ATP6V0E1: variants seen among roughly 807,000 people sequenced by gnomAD.
The protein encoded by ATP6V0E1 is V-type proton ATPase subunit e 1.
In ATP6V0E1, 4 loss-of-function variants were observed where a neutral mutation model predicts 11.6. The observed-to-expected ratio is 0.35, with a 90% CI of 0.17 to 0.79. ATP6V0E1 has a LOEUF of 0.79. Ranked by LOEUF, ATP6V0E1 falls within the 30% of genes least tolerant of loss-of-function variation. The pLI, the probability that ATP6V0E1 is intolerant of heterozygous loss-of-function variation, is 0.54. For missense variants in ATP6V0E1, 105 were observed against 100.0 expected (o/e 1.05, Z -0.21); for synonymous variants, 36 against 34.8 (o/e 1.04, Z -0.13).
chr5:173,004,344 A>G (rs923892447), intron 2 of ATP6V0E1, among the ~76,000 whole-genome samples: 2 of 152,206 alleles, frequency 1.3e-5, no homozygotes, highest in Non-Finnish European at 2.9e-5. Context: ...TACTAACCCC[A>G]GTCGCCAAAG....
At position 173,012,345 on chromosome 5, in the gene ATP6V0E1, C is replaced by T. The variant is rs567872079; in HGVS notation, c.153-7893C>T. Among the ~76,000 whole-genome samples, 207 of 149,986 alleles carry T rather than the reference C, an allele frequency of 1.4e-3. 2 individuals are homozygous for T. Among genetic ancestry groups the T allele is most frequent in the Non-Finnish European group, 2.4e-3 (164 of 67,612 alleles). On this transcript the variant is annotated intron_variant, in intron 2 of 3. Transcript: ENST00000519374. ...TTTTTTTTCTTAAGTGAGATGTGTG[C>T]GTGTGTGTGTACATGCATATGTGTA...
intron 2 of ATP6V0E1, among the ~76,000 whole-genome samples, chr5:173,006,481 G>A (rs528723756): frequency 9.2e-5 from 14 of 152,034 alleles, no homozygotes; most frequent in Admixed American, 2.0e-4. Context: ...GTGGTGGTGG[G>A]CGCCTGTAGT....
At chr5:173,000,390 A>C (rs552088311) in intron 2 of ATP6V0E1, among the ~76,000 whole-genome samples, 6 of 152,282 alleles carry the variant, frequency 3.9e-5, no homozygotes, top group South Asian at 2.1e-4. Context: ...GTTAATTTTT[A>C]ATGTTGAATT....
At chr5:173,021,684 T>A (rs571792673) in intron 3 of ATP6V0E1, among the ~76,000 whole-genome samples, 1 of 152,164 alleles carries the variant, frequency 6.6e-6, no homozygotes, top group African/African-American at 2.4e-5. Context: ...CCCACCTCCA[T>A]CATTGGGGAT....
chr5:172,985,909 C>T (rs1755890669), intron 1 of ATP6V0E1, among the ~76,000 whole-genome samples: 1 of 152,228 alleles, frequency 6.6e-6, no homozygotes, highest in African/African-American at 2.4e-5. Flanking sequence ...TACTACACAC[C>T]TAGGCTATTT....
intron 3 of ATP6V0E1, among the ~76,000 whole-genome samples, chr5:173,032,253 A>ATTTTATTTTT (rs70984930): frequency 9.6e-5 from 12 of 124,368 alleles, no homozygotes; most frequent in African/African-American, 2.7e-4. Flanking sequence ...ATTTTATTTT[A>ATTTTATTTTT]TTTATTTATT....
intron 2 of ATP6V0E1, among the ~76,000 whole-genome samples, chr5:173,003,068 A>G (rs989075564): frequency 5.3e-5 from 8 of 151,952 alleles, no homozygotes; most frequent in Non-Finnish European, 1.2e-4. Flanking sequence ...TGGCAGGGTA[A>G]TGTTGGGCTT....
At chr5:172,990,974 A>G (rs1458863844) in intron 1 of ATP6V0E1, among the ~76,000 whole-genome samples, 1 of 151,672 alleles carries the variant, frequency 6.6e-6, no homozygotes, top group Non-Finnish European at 1.5e-5. Context: ...GTTTTGTTTT[A>G]AAGAGTCTCC....
chr5:172,994,734 G>C, intron 1 of ATP6V0E1, 41 bp from the exon 2 acceptor site: 10 of 1,476,206 alleles, frequency 6.8e-6, no homozygotes, highest in Non-Finnish European at 9.3e-6. Flanking sequence ...TGCATAGTTT[G>C]CTAGTTATTT....
At chr5:173,015,687 T>C (rs1756389218) in intron 2 of ATP6V0E1, among the ~76,000 whole-genome samples, 1 of 152,166 alleles carries the variant, frequency 6.6e-6, no homozygotes, top group Non-Finnish European at 1.5e-5. Flanking sequence ...CCCCTTTCCA[T>C]AGCTCACCCT....
chr5:172,997,581 G>A lies in ATP6V0E1; in HGVS notation c.152+2759G>A, dbSNP rs530946610. Among the ~76,000 whole-genome samples the A allele has an allele frequency of 9.5e-4, 145 of 152,128 alleles. 1 individual carries two copies. Among genetic ancestry groups the A allele is most frequent in the African/African-American group, 3.4e-3 (142 of 41,512 alleles). On this transcript the variant is annotated intron_variant, in intron 2 of 3. Coordinates refer to ENST00000519374, the MANE Select transcript of ATP6V0E1 (RefSeq NM_003945.4). ...TCCCAGCACTTTGGGAGGCCGAGGC[G>A]GGCGGATCACGAGGTCAGGAGATCG...
intron 2 of ATP6V0E1, among the ~76,000 whole-genome samples, chr5:173,009,626 G>A (rs1018016395): frequency 2.6e-5 from 4 of 151,250 alleles, no homozygotes; most frequent in Non-Finnish European, 5.9e-5. Context: ...CACCACGCCC[G>A]GCTAATTTTT....
At chr5:173,001,741 G>A (rs1276500549) in intron 2 of ATP6V0E1, among the ~76,000 whole-genome samples, 5 of 148,670 alleles carry the variant, frequency 3.4e-5, no homozygotes, top group Non-Finnish European at 5.9e-5. Flanking sequence ...CCCCCGAGAC[G>A]GAGTTTCACT....
chr5:172,988,094 A>G (rs1246722192), intron 1 of ATP6V0E1, among the ~76,000 whole-genome samples: 1 of 152,114 alleles, frequency 6.6e-6, no homozygotes, highest in African/African-American at 2.4e-5. Flanking sequence ...TTTTTTGTTA[A>G]AAACTAAAAC....
chr5:172,994,663 G>A, intron 1 of ATP6V0E1, 112 bp from the exon 2 acceptor site: 1 of 829,578 alleles, frequency 1.2e-6, no homozygotes. Context: ...CCAATTTCTT[G>A]GTGTGCAATC....
At position 172,983,798 on chromosome 5, in the gene ATP6V0E1, T is replaced by A; in HGVS notation, c.-63T>A. The A allele has an allele frequency of 6.6e-7, 1 of 1,514,574 alleles. No homozygotes were observed. The highest frequency in any genetic ancestry group is 9.2e-7 in the Non-Finnish European group (1 of 1,092,866). The allele number at this position is 1,514,574 out of a possible 1,614,324, so 93.8% of individuals were successfully genotyped here. On this transcript the variant is annotated 5_prime_UTR_variant, in exon 1 of 4. Coordinates refer to ENST00000519374, the MANE Select transcript of ATP6V0E1 (RefSeq NM_003945.4). ...ACACGCTGGTCACGCGGTCAGCTAT[T>A]GACACTTCCTGGTGGGATCCGAGTG...
At chr5:173,028,533 A>T (rs988897845) in intron 3 of ATP6V0E1, among the ~76,000 whole-genome samples, 9 of 152,288 alleles carry the variant, frequency 5.9e-5, no homozygotes, top group African/African-American at 1.7e-4. Flanking sequence ...AAAAATGAGG[A>T]CCAGTTATGA....
chr5:173,020,658 T>G, intron 3 of ATP6V0E1: 3 of 531,084 alleles, frequency 5.6e-6, no homozygotes, highest in Admixed American at 1.9e-5. Context: ...AGTAACTGTT[T>G]ATACTTGGCA....
chr5:173,011,694 A>C (rs1177140302), intron 2 of ATP6V0E1, among the ~76,000 whole-genome samples: 2 of 152,180 alleles, frequency 1.3e-5, no homozygotes. Context: ...TTATTGCACC[A>C]TAGCTGCCTC....
Sources: gnomAD v4.1 joint callset for allele counts (sites outside exome capture counted in the v4.1 genomes callset) on GRCh38, gnomAD v4.1.1 for gene constraint, MANE v1.5 for transcripts, NCBI Gene and HGNC (gene_info 2026-07-23, HGNC 2026-07-21) for gene names.